The following LNX1 variants were observed in gnomAD, a reference collection of about 807,000 sequenced individuals.
LNX1 encodes the protein ligand of numb-protein X 1, also known as E3 ubiquitin-protein ligase LNX.
A neutral mutation model predicts 68.4 loss-of-function variants in LNX1; 54 were observed. That is an observed-to-expected ratio of 0.79 (90% CI 0.63 to 0.99). LNX1 has a LOEUF of 0.99. LNX1 is among the 50% of genes least tolerant of loss of function. LNX1 has a pLI of 0.00. For missense variants in LNX1, 906 were observed against 926.4 expected, an observed-to-expected ratio of 0.98 and a Z score of 0.29; for synonymous variants, 336 against 350.0, an observed-to-expected ratio of 0.96 and a Z score of 0.45.
At chr4:53,521,962 GCTAA>G (rs1727256934) in intron 2 of LNX1, among the ~76,000 whole-genome samples, 1 of 100,792 alleles carries the variant, frequency 9.9e-6, no homozygotes, top group Non-Finnish European at 2.3e-5. Flanking sequence ...ACCACACCTG[GCTAA>G]CTTTTTCATT....
chr4:53,538,203 T>A (rs4864467), intron 2 of LNX1, among the ~76,000 whole-genome samples: 1 of 152,096 alleles, frequency 6.6e-6, no homozygotes, highest in Non-Finnish European at 1.5e-5. Context: ...GATGGGCATG[T>A]GGATTGCTCC....
Position 53,507,418 on chromosome 4 carries a change from T to C in LNX1, c.674A>G (p.Asn225Ser). 3.7e-6 allele frequency: 6 copies of C among 1,614,164 alleles called. No homozygotes were observed. Among genetic ancestry groups the C allele is most frequent in the Non-Finnish European group, 5.1e-6 (6 of 1,180,018 alleles). ...TIRSRSFKKI[N>S]RALSVLRRTK... ...CCTTCGAAGAACACTCAAAGCTCGA[T>C]TTATTTTTTTAAATGATCTGCTTCT... The change falls in exon 4 of 11, where the codon AAT (asparagine) becomes AGT (serine). Residue 225 changes from asparagine (N) to serine (S), a missense_variant. Transcript: ENST00000263925.
chr4:53,493,920 C>G lies in LNX1; in HGVS notation c.1350+2103G>C, dbSNP rs1579405614. Among the ~76,000 whole-genome samples, 4 of 152,308 alleles carry G rather than the reference C, an allele frequency of 2.6e-5. No homozygotes were observed. In the East Asian group the frequency reaches 7.7e-4, roughly 29 times the overall value. On this transcript the variant is annotated intron_variant, in intron 6 of 10. Transcript: ENST00000263925. The stretch of plus-strand genomic sequence containing the variant: ...TTCCTAAACCCTTCCAAGAATGCCC[C>G]CGTGGCTTTGCGGATAAAGTCTGAG...
At chr4:53,642,051 A>G (rs2590768) in intron 1 of LNX1, among the ~76,000 whole-genome samples, 144,280 of 151,820 alleles carry the variant, frequency 0.95, 68,640 homozygotes, top group East Asian at 1. Flanking sequence ...TGGAGAACTC[A>G]TCTCTACAAA....
At chr4:53,490,791 C>A (rs1724627057) in intron 6 of LNX1, among the ~76,000 whole-genome samples, 1 of 152,220 alleles carries the variant, frequency 6.6e-6, no homozygotes, top group South Asian at 2.1e-4. Context: ...TTAATCCCCT[C>A]AGCCTGGTGT....
intron 10 of LNX1, 81 bp downstream of exon 10, chr4:53,461,354 C>T: frequency 7.2e-6 from 8 of 1,109,062 alleles, no homozygotes; most frequent in Non-Finnish European, 1.1e-5. Flanking sequence ...TAAATACATG[C>T]CTTATCTCAA....
At chr4:53,521,373 C>T (rs190667345) in intron 2 of LNX1, among the ~76,000 whole-genome samples, 1 of 152,302 alleles carries the variant, frequency 6.6e-6, no homozygotes, top group East Asian at 1.9e-4. Context: ...CCTCAAAGTG[C>T]ATTCCATCGC....
At chr4:53,512,619 G>A (rs1344974284) in intron 2 of LNX1, among the ~76,000 whole-genome samples, 1 of 152,070 alleles carries the variant, frequency 6.6e-6, no homozygotes, top group Non-Finnish European at 1.5e-5. Context: ...TTTTTCAACT[G>A]TATTTCTTTC....
chr4:53,481,967 GATTTCTAGTT>G, intron 6 of LNX1, 113 bp from the exon 7 acceptor site: 2 of 1,304,692 alleles, frequency 1.5e-6, no homozygotes, highest in Middle Eastern at 2.0e-4. Flanking sequence ...GGCAAAACAT[GATTTCTAGTT>G]TGTTGGGTTT....
intron 9 of LNX1, among the ~76,000 whole-genome samples, chr4:53,470,458 C>G (rs571656076): frequency 1.6e-3 from 241 of 152,288 alleles, no homozygotes; most frequent in Non-Finnish European, 3.0e-3. Flanking sequence ...CTCACCACTT[C>G]TATTCAACAT....
chr4:53,580,928 A>G (rs1026951272), intron 1 of LNX1, among the ~76,000 whole-genome samples: 1 of 152,242 alleles, frequency 6.6e-6, no homozygotes, highest in African/African-American at 2.4e-5. Flanking sequence ...CAAATGATAA[A>G]TCAGACATAA....
intron 2 of LNX1, among the ~76,000 whole-genome samples, chr4:53,601,003 G>A (rs896293431): frequency 2.7e-5 from 4 of 150,084 alleles, no homozygotes; most frequent in Admixed American, 6.6e-5. Context: ...ACTTGAACCC[G>A]GGAGGCCGAG....
At chr4:53,564,816 G>T (rs978838621) in intron 2 of LNX1, among the ~76,000 whole-genome samples, 2 of 152,238 alleles carry the variant, frequency 1.3e-5, no homozygotes, top group African/African-American at 4.8e-5. Context: ...GCAGGGCGAG[G>T]CATTGCCTCA....
intron 2 of LNX1, among the ~76,000 whole-genome samples, chr4:53,596,962 C>T (rs1732782001): frequency 6.6e-6 from 1 of 152,156 alleles, no homozygotes; most frequent in Non-Finnish European, 1.5e-5. Context: ...TCAAATTTTA[C>T]ATTCTTTCTG....
chr4:53,560,567 T>C (rs1024957056), intron 2 of LNX1, among the ~76,000 whole-genome samples: 28 of 152,162 alleles, frequency 1.8e-4, no homozygotes, highest in African/African-American at 6.8e-4. Context: ...AATTACTGGG[T>C]AAGGCATCTC....
In LNX1 at chr4:53,573,712, G is replaced by T. The variant is rs962148192; in HGVS notation, c.291C>A (p.Leu97=). 2 of 1,611,112 alleles carry T rather than the reference G, an allele frequency of 1.2e-6. No individual in the cohort carries two copies. The highest frequency in any genetic ancestry group is 3.4e-5 in the Admixed American group (2 of 59,560). ...GGCAGGTCACCAGTAGCTTGTTGAG[G>T]AGTTTGTTGACCAGGATGCTGGACT... The part of the protein sequence containing the change: ...CKKSSILVNK[L]LNKLLVTCPF... Residue 97 remains leucine (L), a synonymous_variant, in exon 2 of 11, where the codon CTC becomes CTA. Coordinates refer to ENST00000263925, the MANE Select transcript of LNX1 (RefSeq NM_001126328.3).
chr4:53,535,742 C>A (rs868341401), intron 2 of LNX1, among the ~76,000 whole-genome samples: 6 of 152,272 alleles, frequency 3.9e-5, no homozygotes, highest in Middle Eastern at 6.8e-3. Context: ...CTAGTCTATT[C>A]CCTGCCTTTA....
At chr4:53,502,932 ATC>A (rs1266702313) in intron 4 of LNX1, among the ~76,000 whole-genome samples, 2 of 53,232 alleles carry the variant, frequency 3.8e-5, no homozygotes, top group Non-Finnish European at 7.1e-5. Flanking sequence ...ATTTGGTCAT[ATC>A]TTTTTTTTTT....
At chr4:53,468,934 C>A (rs57287210) in intron 9 of LNX1, among the ~76,000 whole-genome samples, 1 of 152,058 alleles carries the variant, frequency 6.6e-6, no homozygotes, top group East Asian at 1.9e-4. Context: ...AGATCAACGA[C>A]ACAGAAAGTT....
Sources: gnomAD v4.1 joint callset for allele counts (sites outside exome capture counted in the v4.1 genomes callset) on GRCh38, gnomAD v4.1.1 for gene constraint, MANE v1.5 for transcripts, NCBI Gene and HGNC (gene_info 2026-07-23, HGNC 2026-07-21) for gene names.